Variants in ANO5 observed in about 807,000 individuals in gnomAD.
ANO5 encodes the protein anoctamin 5.
Under a neutral mutation model 121.0 loss-of-function variants are expected in ANO5, and 109 were observed. That is an observed-to-expected ratio of 0.90 (90% confidence interval 0.77 to 1.06). The LOEUF is 1.06. Among genes scored for constraint, ANO5 ranks in the 50% least tolerant of loss-of-function variants. ANO5 has a pLI of 0.00. For missense variants in ANO5, 1,064 were observed against 1,078.5 expected (o/e 0.99, Z 0.19); for synonymous variants, 406 against 359.9 (o/e 1.13, Z -1.45).
At chr11:22,249,150 A>G (rs1853717137) in intron 9 of ANO5, among the ~76,000 whole-genome samples, 1 of 152,062 alleles carries the variant, frequency 6.6e-6, no homozygotes, top group African/African-American at 2.4e-5. Flanking sequence ...ATCACTGAAA[A>G]GAATGAAAAA....
chr11:22,281,921 AT>A lies in ANO5; in HGVS notation c.*2162del, dbSNP rs977873955. 2 of 152,092 alleles carry A rather than the reference AT, an allele frequency of 1.3e-5. No individual in the cohort carries two copies. The highest frequency in any genetic ancestry group is 2.4e-5 in the African/African-American group (1 of 41,438). 9.4% of individuals were successfully genotyped at this position (152,092 alleles called of 1,614,324 possible). On this transcript the variant is annotated 3_prime_UTR_variant, in exon 22 of 22. Coordinates refer to ENST00000324559, the MANE Select transcript of ANO5 (RefSeq NM_213599.3). Reference sequence around the variant, plus strand: ...TCCTTTTAAAATGTTATGGACTGATATTTTTTATTCACCTTTAAATTTCTTA... The same window carrying A: ...TCCTTTTAAAATGTTATGGACTGATATTTTTATTCACCTTTAAATTTCTTA...
intron 9 of ANO5, among the ~76,000 whole-genome samples, chr11:22,240,752 A>T (rs1184819985): frequency 6.6e-6 from 1 of 152,084 alleles, no homozygotes; most frequent in Non-Finnish European, 1.5e-5. Context: ...ACTAGGCTTG[A>T]TTTGGATAAT....
At chr11:22,234,021 G>T (rs1403667321) in intron 7 of ANO5, among the ~76,000 whole-genome samples, 3 of 152,070 alleles carry the variant, frequency 2.0e-5, no homozygotes, top group Non-Finnish European at 2.9e-5. Flanking sequence ...ATTCTTCAAA[G>T]AAATTCTTAA....
At chr11:22,212,495 A>G (rs1016644700) in intron 3 of ANO5, among the ~76,000 whole-genome samples, 5 of 151,908 alleles carry the variant, frequency 3.3e-5, no homozygotes, top group Non-Finnish European at 7.4e-5. Context: ...GAATAAAGGT[A>G]TATATAGTAA....
chr11:22,249,889 G>A (rs577146163), intron 9 of ANO5, among the ~76,000 whole-genome samples: 2 of 152,150 alleles, frequency 1.3e-5, no homozygotes, highest in Admixed American at 6.5e-5. Flanking sequence ...AGAATATTCT[G>A]TAGTTTATTT....
intron 2 of ANO5, among the ~76,000 whole-genome samples, chr11:22,206,266 T>C (rs932978167): frequency 6.6e-6 from 1 of 152,100 alleles, no homozygotes; most frequent in East Asian, 1.9e-4. Flanking sequence ...AAAATAATTA[T>C]GCAACATGGC....
chr11:22,247,109 T>A (rs1322959293), intron 9 of ANO5, among the ~76,000 whole-genome samples: 1 of 152,120 alleles, frequency 6.6e-6, no homozygotes, highest in Non-Finnish European at 1.5e-5. Context: ...CCTATCTTCA[T>A]GACAACCTCT....
Position 22,193,503 on chromosome 11 carries a change from C to T in ANO5, c.11C>T (p.Pro4Leu). 5.0e-6 allele frequency: 8 copies of T among 1,613,010 alleles called. No homozygotes were observed. The East Asian group carries it at 1.3e-4, about 27-fold the overall frequency. MGD[P>L]DLLEVLAEEG... is the part of the protein sequence containing the mutation. ...AACGAGCTGGCGAAGATGGGCGACC[C>T]GGATCTCCTGGAAGTGTTGGCGGAG... The change falls in exon 1 of 22, where the codon CCG becomes CTG. Residue 4 changes from proline to leucine, a missense_variant. Coordinates refer to ENST00000324559, the MANE Select transcript of ANO5 (RefSeq NM_213599.3).
rs551091094 is a variant in ANO5 at position 22,253,044 on chromosome 11, A to T, written c.1180+2033A>T. On this transcript the variant is annotated intron_variant, in intron 12 of 21. Coordinates refer to ENST00000324559, the MANE Select transcript of ANO5 (RefSeq NM_213599.3). ...CATCTCCATAGTTCCAGGGCTAGGC[A>T]TATGGTATGTATTCAAATATATGTT... Among the ~76,000 whole-genome samples the T allele has an allele frequency of 4.7e-4, 72 of 152,294 alleles. 1 individual carries two copies. In the Middle Eastern group the frequency reaches 0.01, roughly 22 times the overall value.
chr11:22,259,368 C>G, intron 14 of ANO5, 151 bp from the exon 15 acceptor site: 1 of 785,706 alleles, frequency 1.3e-6, no homozygotes, highest in East Asian at 2.7e-5. Flanking sequence ...GTCTTGCCAT[C>G]TAGGGAAAGA....
At position 22,274,478 on chromosome 11, in the gene ANO5, T is replaced by G; in HGVS notation, c.2236-91T>G. 4.2e-6 allele frequency: 5 copies of G among 1,184,488 alleles called. No individual in the cohort carries two copies. In the South Asian group the frequency reaches 6.3e-5, roughly 15 times the overall value. The allele number at this position is 1,184,488 out of a possible 1,614,324, so 73.4% of individuals were successfully genotyped here. A position where few individuals can be genotyped will look rare whatever the true frequency, so the allele number is the denominator to read the frequency against. On this transcript the variant is annotated intron_variant, in intron 19 of 21. Transcript: ENST00000324559. ...AGTATTTAATCATTTTGCATCTATA[T>G]AATTTATGGTACTGAGAGATGTACA...
intron 9 of ANO5, among the ~76,000 whole-genome samples, chr11:22,244,203 C>A (rs945294483): frequency 6.6e-6 from 1 of 152,050 alleles, no homozygotes; most frequent in Admixed American, 6.6e-5. Flanking sequence ...GTTAGAATTT[C>A]TTTTCTTTAA....
At chr11:22,234,297 T>A (rs140017634) in intron 7 of ANO5, among the ~76,000 whole-genome samples, 50 of 152,230 alleles carry the variant, frequency 3.3e-4, no homozygotes, top group African/African-American at 1.1e-3. Flanking sequence ...GCTGTAGGTT[T>A]CATCTTTGAC....
At chr11:22,200,412 A>G (rs1851931453) in intron 1 of ANO5, among the ~76,000 whole-genome samples, 1 of 152,120 alleles carries the variant, frequency 6.6e-6, no homozygotes, top group Non-Finnish European at 1.5e-5. Context: ...TCATGAGGCA[A>G]CCATGGTACT....
chr11:22,249,010 C>T (rs147096612), intron 9 of ANO5, among the ~76,000 whole-genome samples: 177 of 152,036 alleles, frequency 1.2e-3, no homozygotes, highest in African/African-American at 4.0e-3. Flanking sequence ...AGTTCATTCA[C>T]TCTGAGTAAG....
At chr11:22,262,369 G>A in intron 16 of ANO5, 71 bp downstream of exon 16, 2 of 1,519,900 alleles carry the variant, frequency 1.3e-6, no homozygotes, top group Non-Finnish European at 1.8e-6. Flanking sequence ...TGTGTGTCAA[G>A]CACTGATTCA....
At chr11:22,211,419 T>C (rs1162084997) in intron 3 of ANO5, 105 bp downstream of exon 3, 2 of 1,290,888 alleles carry the variant, frequency 1.5e-6, no homozygotes, top group South Asian at 1.2e-5. Flanking sequence ...TTTGACATGC[T>C]CTCATACATG....
Position 22,250,235 on chromosome 11 carries a change from A to G in ANO5, c.879-2A>G. On this transcript the variant is annotated splice_acceptor_variant, in intron 9 of 21. Transcript: ENST00000324559. LOFTEE classifies it high-confidence loss of function. ...TGATTCTGTTTTTACTCTTTTTCAC[A>G]GGAATTATTATGGAGAAAAAATTGG... is the stretch of plus-strand genomic sequence containing the variant. 1 of 1,575,828 alleles carries G rather than the reference A, an allele frequency of 6.3e-7. No homozygotes were observed. Among genetic ancestry groups the G allele is most frequent in the Non-Finnish European group, 8.7e-7 (1 of 1,147,926 alleles).
chr11:22,250,006 C>T (rs1853751032), intron 9 of ANO5, among the ~76,000 whole-genome samples: 1 of 151,988 alleles, frequency 6.6e-6, no homozygotes, highest in African/African-American at 2.4e-5. Flanking sequence ...ATCTGTTATC[C>T]CTTTTAATCC....
Sources: allele counts gnomAD v4.1 joint callset (sites outside exome capture counted in the v4.1 genomes callset), GRCh38; gene constraint gnomAD v4.1.1; transcripts MANE v1.5; gene names NCBI Gene and HGNC (gene_info 2026-07-23, HGNC 2026-07-21).